DLC1: variants seen among roughly 807,000 people sequenced by gnomAD.
DLC1 encodes DLC1 Rho GTPase activating protein.
DLC1 carries 54 observed loss-of-function variants against 140.3 expected under a neutral mutation model. The observed-to-expected ratio is 0.38, with a 90% CI of 0.31 to 0.48. DLC1 has a LOEUF of 0.48. Ranked by LOEUF, DLC1 falls within the 20% of genes least tolerant of loss-of-function variation. The probability of loss-of-function intolerance (pLI) is 0.96; values close to 1 mark genes in which losing one functional copy is unlikely to be tolerated. For missense variants in DLC1, 2,536 were observed against 1,907.0 expected (o/e 1.33, Z -6.14); for synonymous variants, 986 against 728.1 (o/e 1.35, Z -5.70).
At chr8:13,520,293 A>G (rs1029043172) in intron 1 of DLC1, among the ~76,000 whole-genome samples, 5 of 152,256 alleles carry the variant, frequency 3.3e-5, no homozygotes, top group Admixed American at 6.5e-5. Context: ...CTATGCAGCC[A>G]TAAAAGAGGA....
rs185615131 is a variant in DLC1, at chr8:13,225,704, C to T, written c.1348+79565G>A. ...GGCCTCGGCTCACTGCAAGCTCCGC[C>T]TCCTGGGTTCACACCATTCTCTTGC... On this transcript the variant is annotated intron_variant, in intron 5 of 17. Coordinates refer to ENST00000276297, the MANE Select transcript of DLC1 (RefSeq NM_182643.3). 2.8e-3 allele frequency among the ~76,000 whole-genome samples: 423 copies of T among 151,726 alleles called. 4 individuals are homozygous for T. Among genetic ancestry groups the T allele is most frequent in the African/African-American group, 0.01 (415 of 41,350 alleles).
At chr8:13,110,591 T>C (rs1382257204) in intron 7 of DLC1, 151 bp downstream of exon 7, 1 of 704,654 alleles carries the variant, frequency 1.4e-6, no homozygotes, top group East Asian at 2.6e-5. Context: ...TTTACTTAGT[T>C]TTTAATTAAA....
chr8:13,114,811 T>C (rs1043434360), intron 6 of DLC1, among the ~76,000 whole-genome samples: 14 of 152,224 alleles, frequency 9.2e-5, no homozygotes, highest in Non-Finnish European at 1.8e-4. Flanking sequence ...TATCATTTTA[T>C]ATCCATTTGG....
At chr8:13,403,033 T>G (rs761631475) in intron 2 of DLC1, among the ~76,000 whole-genome samples, 1 of 152,224 alleles carries the variant, frequency 6.6e-6, no homozygotes, top group African/African-American at 2.4e-5. Context: ...AAACCGAACT[T>G]GTGCATGGTT....
chr8:13,454,368 A>G (rs1316680281), intron 2 of DLC1, among the ~76,000 whole-genome samples: 1 of 152,218 alleles, frequency 6.6e-6, no homozygotes, highest in Non-Finnish European at 1.5e-5. Flanking sequence ...CTAAAATACT[A>G]TAATTCATAT....
At chr8:13,512,695 ATTGG>A (rs1268114027) in intron 1 of DLC1, among the ~76,000 whole-genome samples, 1 of 152,140 alleles carries the variant, frequency 6.6e-6, no homozygotes, top group African/African-American at 2.4e-5. Flanking sequence ...TCTGAAAGTC[ATTGG>A]TTGGGACAGT....
chr8:13,352,351 G>T (rs1325989738), intron 4 of DLC1, among the ~76,000 whole-genome samples: 1 of 152,126 alleles, frequency 6.6e-6, no homozygotes, highest in Non-Finnish European at 1.5e-5. Context: ...AAATTTAAAT[G>T]TATTATTTTA....
chr8:13,465,254 C>G (rs993820877), intron 2 of DLC1, among the ~76,000 whole-genome samples: 2 of 152,178 alleles, frequency 1.3e-5, no homozygotes, highest in East Asian at 1.9e-4. Flanking sequence ...GTTTCTAGGA[C>G]ACACTTCTAG....
At chr8:13,355,787 CA>C (rs1304037575) in intron 4 of DLC1, among the ~76,000 whole-genome samples, 1 of 151,834 alleles carries the variant, frequency 6.6e-6, no homozygotes, top group Admixed American at 6.6e-5. Flanking sequence ...GATTCATTTT[CA>C]AAAATCTTAT....
At chr8:13,423,355 T>C (rs1464091840) in intron 2 of DLC1, among the ~76,000 whole-genome samples, 1 of 152,182 alleles carries the variant, frequency 6.6e-6, no homozygotes, top group Non-Finnish European at 1.5e-5. Context: ...TGTACTGGCA[T>C]AGTATCGCCC....
chr8:13,191,563 G>C (rs1826757118), intron 5 of DLC1, among the ~76,000 whole-genome samples: 1 of 152,200 alleles, frequency 6.6e-6, no homozygotes, highest in Non-Finnish European at 1.5e-5. Context: ...GTGCCTGGTG[G>C]CGTGCACTGA....
At chr8:13,401,430 C>A in intron 3 of DLC1, 40 bp downstream of exon 3, 2 of 1,604,224 alleles carry the variant, frequency 1.2e-6, no homozygotes, top group Non-Finnish European at 8.5e-7. Flanking sequence ...TCAAGAGTTA[C>A]GACTCCTATG....
intron 5 of DLC1, among the ~76,000 whole-genome samples, chr8:13,258,757 A>T (rs1378833574): frequency 6.6e-6 from 1 of 152,110 alleles, no homozygotes; most frequent in Non-Finnish European, 1.5e-5. Flanking sequence ...TCCTGTTTGT[A>T]CGGGGGTCTG....
At chr8:13,542,387 T>C (rs1198405473) in intron 1 of DLC1, among the ~76,000 whole-genome samples, 1 of 152,258 alleles carries the variant, frequency 6.6e-6, no homozygotes, top group Non-Finnish European at 1.5e-5. Flanking sequence ...GGGCACACTG[T>C]TCTGTACCAT....
chr8:13,261,273 T>G (rs555783394), intron 5 of DLC1, among the ~76,000 whole-genome samples: 7 of 152,164 alleles, frequency 4.6e-5, no homozygotes, highest in African/African-American at 1.7e-4. Context: ...GAGAGAGCCA[T>G]GTGACTGTCT....
chr8:13,186,249 A>G (rs995348130), intron 5 of DLC1, among the ~76,000 whole-genome samples: 5 of 152,140 alleles, frequency 3.3e-5, no homozygotes, highest in South Asian at 2.1e-4. Flanking sequence ...GTGTTTTCCA[A>G]TTTGGTTCCA....
chr8:13,124,141 T>A (rs976097139), intron 5 of DLC1, among the ~76,000 whole-genome samples: 1 of 152,346 alleles, frequency 6.6e-6, no homozygotes, highest in South Asian at 2.1e-4. Flanking sequence ...ATGCATAGTT[T>A]TTCTTCTAAG....
At chr8:13,316,467 C>T (rs1023983349) in intron 4 of DLC1, among the ~76,000 whole-genome samples, 1 of 151,742 alleles carries the variant, frequency 6.6e-6, no homozygotes, top group Non-Finnish European at 1.5e-5. Context: ...CTTTCTTAAC[C>T]CTCAAAAGTG....
intron 4 of DLC1, among the ~76,000 whole-genome samples, chr8:13,321,226 G>C (rs1278308641): frequency 6.6e-6 from 1 of 152,156 alleles, no homozygotes; most frequent in Non-Finnish European, 1.5e-5. Flanking sequence ...AGAAAAACTG[G>C]AGAGTATTAA....
Sources: allele counts gnomAD v4.1 joint callset (sites outside exome capture counted in the v4.1 genomes callset), GRCh38; gene constraint gnomAD v4.1.1; transcripts MANE v1.5; gene names NCBI Gene and HGNC (gene_info 2026-07-23, HGNC 2026-07-21).